PTK2B: variants seen among roughly 807,000 people sequenced by gnomAD.
The protein encoded by PTK2B is protein tyrosine kinase 2 beta, also known as protein-tyrosine kinase 2-beta.
PTK2B carries 71 observed loss-of-function variants against 142.9 expected under a neutral mutation model. The ratio of observed to expected loss-of-function variants is 0.50; its 90% CI spans 0.41 to 0.61. The LOEUF (loss-of-function observed/expected upper bound fraction) is 0.61. PTK2B is among the 20% of genes least tolerant of loss of function. The probability of loss-of-function intolerance (pLI) is 0.00; values close to 1 mark genes in which losing one functional copy is unlikely to be tolerated. For missense variants in PTK2B, 1,105 were observed against 1,320.4 expected, an observed-to-expected ratio of 0.84 and a Z score of 2.53; for synonymous variants, 519 against 503.4, an observed-to-expected ratio of 1.03 and a Z score of -0.42.
chr8:27,436,987 GAGA>G, intron 15 of PTK2B, 132 bp from the exon 16 acceptor site: 2 of 769,680 alleles, frequency 2.6e-6, no homozygotes, highest in African/African-American at 1.7e-5. Flanking sequence ...AGACAAAGGG[GAGA>G]AGAAGAGAGA....
intron 5 of PTK2B, among the ~76,000 whole-genome samples, chr8:27,425,912 G>A (rs1353176355): frequency 1.3e-5 from 2 of 152,094 alleles, no homozygotes; most frequent in Non-Finnish European, 2.9e-5. Flanking sequence ...CTTTATAAAT[G>A]CCAAATGTTT....
At chr8:27,425,953 G>C (rs949357748) in intron 5 of PTK2B, among the ~76,000 whole-genome samples, 5 of 152,116 alleles carry the variant, frequency 3.3e-5, no homozygotes, top group Non-Finnish European at 7.4e-5. Context: ...ATGAAAGTTT[G>C]AAATTCAGGG....
chr8:27,354,499 A>G (rs1194962070), intron 1 of PTK2B, among the ~76,000 whole-genome samples: 1 of 152,134 alleles, frequency 6.6e-6, no homozygotes, highest in Non-Finnish European at 1.5e-5. Context: ...CAGATGAAAC[A>G]ATTGAGGTCA....
intron 17 of PTK2B, 97 bp from the exon 18 acceptor site, chr8:27,437,668 G>A (rs761462712): frequency 1.9e-4 from 243 of 1,308,070 alleles, no homozygotes; most frequent in South Asian, 7.8e-4. Context: ...GTCTCCCACC[G>A]CCCCCAGGGA....
chr8:27,382,556 G>GT (rs759152107), intron 1 of PTK2B, among the ~76,000 whole-genome samples: 2,035 of 146,588 alleles, frequency 0.014, 25 homozygotes, highest in Non-Finnish European at 0.02. Flanking sequence ...TGCTGTCTCT[G>GT]TTTTTTTTTT....
intron 3 of PTK2B, among the ~76,000 whole-genome samples, chr8:27,315,942 G>C (rs571947231): frequency 2.3e-4 from 35 of 152,218 alleles, no homozygotes; most frequent in African/African-American, 8.4e-4. Flanking sequence ...CATATGGTGG[G>C]GGGGTGGGTA....
chr8:27,440,159 G>C, intron 20 of PTK2B, 78 bp from the exon 21 acceptor site: 1 of 1,440,800 alleles, frequency 6.9e-7, no homozygotes, highest in Admixed American at 1.7e-5. Context: ...TGGAGACTGA[G>C]TGCTAATGGC....
chr8:27,451,923 C>A, intron 27 of PTK2B: 1 of 320,762 alleles, frequency 3.1e-6, no homozygotes, highest in Non-Finnish European at 4.7e-6. Flanking sequence ...GTGAGAGGGG[C>A]AGCTGAGCCC....
intron 30 of PTK2B, among the ~76,000 whole-genome samples, chr8:27,456,633 T>C (rs1185193013): frequency 2.6e-5 from 4 of 152,192 alleles, no homozygotes. Flanking sequence ...CACCTCTCAC[T>C]TTAAATCAAA....
intron 1 of PTK2B, among the ~76,000 whole-genome samples, chr8:27,338,893 A>C (rs1312581696): frequency 6.6e-6 from 1 of 152,232 alleles, no homozygotes; most frequent in African/African-American, 2.4e-5. Flanking sequence ...TGAATGAACA[A>C]AAGAAGAAAT....
upstream of PTK2B, among the ~76,000 whole-genome samples, chr8:27,321,216 G>A (rs1339475806): frequency 3.3e-5 from 5 of 151,546 alleles, no homozygotes; most frequent in African/African-American, 1.2e-4. Flanking sequence ...GGCTGGCCTC[G>A]AACTCTTGGC....
chr8:27,387,622 G>A (rs1248245528), intron 1 of PTK2B, among the ~76,000 whole-genome samples: 1 of 152,182 alleles, frequency 6.6e-6, no homozygotes, highest in Non-Finnish European at 1.5e-5. Context: ...CACTGCTGAG[G>A]TGGGATCGTG....
intron 22 of PTK2B, among the ~76,000 whole-genome samples, chr8:27,443,305 C>A (rs1446923720): frequency 1.3e-5 from 2 of 152,204 alleles, no homozygotes; most frequent in African/African-American, 4.8e-5. Context: ...TATCCTGGGT[C>A]TTTTAGGTCC....
chr8:27,426,258 T>C (rs1412531907), intron 5 of PTK2B, among the ~76,000 whole-genome samples: 1 of 152,260 alleles, frequency 6.6e-6, no homozygotes, highest in Non-Finnish European at 1.5e-5. Context: ...TTTAGTTATT[T>C]CCTTATTTTC....
At chr8:27,346,955 G>A (rs558423991) in intron 1 of PTK2B, among the ~76,000 whole-genome samples, 20 of 152,280 alleles carry the variant, frequency 1.3e-4, no homozygotes, top group Non-Finnish European at 1.9e-4. Context: ...GCTACCCACC[G>A]CATTATCCCC....
intron 1 of PTK2B, among the ~76,000 whole-genome samples, chr8:27,366,621 T>G (rs542152529): frequency 1.3e-5 from 2 of 152,366 alleles, no homozygotes; most frequent in African/African-American, 4.8e-5. Flanking sequence ...AGGTATTTCC[T>G]GAGCCAGGGT....
intron 10 of PTK2B, 61 bp from the exon 11 acceptor site, chr8:27,433,374 C>T (rs752615787): frequency 6.9e-7 from 1 of 1,438,962 alleles, no homozygotes; most frequent in Admixed American, 1.7e-5. Flanking sequence ...TTCTCCAGCC[C>T]TGGGGGTGGT....
At chr8:27,434,670 G>T in intron 13 of PTK2B, 111 bp downstream of exon 13, 1 of 1,243,124 alleles carries the variant, frequency 8.0e-7, no homozygotes, top group Admixed American at 2.2e-5. Context: ...ACAGAAAAAT[G>T]ATCCTCTCCC....
intron 28 of PTK2B, among the ~76,000 whole-genome samples, chr8:27,453,841 T>C (rs1811972863): frequency 1.3e-5 from 2 of 152,086 alleles, no homozygotes; most frequent in Admixed American, 6.6e-5. Flanking sequence ...GCCATTATAC[T>C]CCAGCCTGGG....
Sources: allele counts gnomAD v4.1 joint callset (sites outside exome capture counted in the v4.1 genomes callset), GRCh38; gene constraint gnomAD v4.1.1; transcripts MANE v1.5; gene names NCBI Gene and HGNC (gene_info 2026-07-23, HGNC 2026-07-21).